The following FMNL2 variants were observed in gnomAD, a reference collection of about 807,000 sequenced individuals.
FMNL2 encodes formin like 2.
A neutral mutation model predicts 130.2 loss-of-function variants in FMNL2; 51 were observed. The ratio of observed to expected loss-of-function variants is 0.39; its 90% confidence interval spans 0.31 to 0.49. FMNL2 has a LOEUF of 0.49. FMNL2 is among the 20% of genes least tolerant of loss of function. FMNL2 has a pLI of 0.85. For synonymous variants in FMNL2, 465 were observed against 467.1 expected (o/e 1.00, Z 0.06); for missense variants, 977 against 1,316.2 (o/e 0.74, Z 3.99).
chr2:152,429,943 A>C (rs573734416), intron 1 of FMNL2, among the ~76,000 whole-genome samples: 3 of 152,308 alleles, frequency 2.0e-5, no homozygotes, highest in South Asian at 4.1e-4. Context: ...GGATTTTTAA[A>C]AGATGTGGCA....
intron 6 of FMNL2, among the ~76,000 whole-genome samples, chr2:152,565,199 C>G (rs1261166831): frequency 3.9e-5 from 6 of 152,266 alleles, no homozygotes; most frequent in African/African-American, 1.4e-4. Context: ...ATGCTATTAA[C>G]TCGAGTAAGA....
At chr2:152,376,094 A>G (rs1173414394) in intron 1 of FMNL2, among the ~76,000 whole-genome samples, 1 of 151,940 alleles carries the variant, frequency 6.6e-6, no homozygotes, top group East Asian at 1.9e-4. Context: ...GGGTTTCACC[A>G]TGTTGGCCAG....
chr2:152,638,514 G>A (rs552926629), intron 23 of FMNL2, among the ~76,000 whole-genome samples: 1 of 152,220 alleles, frequency 6.6e-6, no homozygotes, highest in Non-Finnish European at 1.5e-5. Context: ...ACTAGGGGCT[G>A]AAGGCTCTGG....
At chr2:152,460,550 C>T (rs916797446) in intron 1 of FMNL2, among the ~76,000 whole-genome samples, 2 of 152,212 alleles carry the variant, frequency 1.3e-5, no homozygotes, top group African/African-American at 4.8e-5. Flanking sequence ...CTGCCCTCTT[C>T]ATAGAGCAGG....
intron 9 of FMNL2, among the ~76,000 whole-genome samples, chr2:152,601,299 T>C (rs1698036910): frequency 1.2e-5 from 1 of 81,644 alleles, no homozygotes; most frequent in Non-Finnish European, 2.7e-5. Context: ...TTCTTTTCTT[T>C]TTTCTTTTTT....
At position 152,643,368 on chromosome 2, in the gene FMNL2, G is replaced by A. The variant is rs913265905; in HGVS notation, c.3169+2454G>A. On this transcript the variant is annotated intron_variant, in intron 25 of 25. Transcript: ENST00000288670. The stretch of plus-strand genomic sequence containing the variant: ...ACCATGTACTAATGCAATAGATCTT[G>A]GCTTTTTATTCTCTTCTGTTTGTGT... The A allele has an allele frequency of 1.0e-5, 16 of 1,533,340 alleles. No individual in the cohort carries two copies. In the African/African-American group the frequency reaches 1.9e-4, roughly 18 times the overall value. The allele number at this position is 1,533,340 out of a possible 1,614,324, so 95.0% of individuals were successfully genotyped here. A position where few individuals can be genotyped will look rare whatever the true frequency, so the allele number is the denominator to read the frequency against.
chr2:152,586,290 T>C (rs1415110141), intron 9 of FMNL2, among the ~76,000 whole-genome samples: 2 of 152,240 alleles, frequency 1.3e-5, no homozygotes, highest in Non-Finnish European at 2.9e-5. Context: ...CAGTAGTTGT[T>C]CTTTTTTCTG....
intron 2 of FMNL2, among the ~76,000 whole-genome samples, chr2:152,526,627 T>C (rs531745986): frequency 3.9e-4 from 60 of 152,218 alleles, no homozygotes; most frequent in Admixed American, 1.4e-3. Context: ...TTATCAAGTT[T>C]ACAATACTGT....
chr2:152,626,759 TTA>T (rs746759111), intron 17 of FMNL2, 32 bp downstream of exon 17: 41 of 1,551,118 alleles, frequency 2.6e-5, no homozygotes, highest in Non-Finnish European at 3.6e-5. Flanking sequence ...TCTAGTTAGT[TTA>T]TGATAAAATG....
At chr2:152,416,016 G>A (rs1686589925) in intron 1 of FMNL2, among the ~76,000 whole-genome samples, 1 of 152,178 alleles carries the variant, frequency 6.6e-6, no homozygotes, top group African/African-American at 2.4e-5. Flanking sequence ...TGGATGTTCA[G>A]TGTTGGCCTC....
intron 1 of FMNL2, among the ~76,000 whole-genome samples, chr2:152,415,511 T>A (rs1302758095): frequency 6.6e-6 from 1 of 152,248 alleles, no homozygotes; most frequent in Non-Finnish European, 1.5e-5. Flanking sequence ...TTGTGTCTTC[T>A]GTTTTCTCCT....
At chr2:152,365,322 G>T (rs12151851) in intron 1 of FMNL2, among the ~76,000 whole-genome samples, 77,944 of 151,934 alleles carry the variant, frequency 0.51, 24,046 homozygotes, top group Non-Finnish European at 0.72. Flanking sequence ...CGGTGGTATG[G>T]TGTGTTTTGA....
intron 1 of FMNL2, among the ~76,000 whole-genome samples, chr2:152,426,303 T>A (rs1262524057): frequency 6.6e-6 from 1 of 152,168 alleles, no homozygotes. Context: ...AGGGTACTTG[T>A]GTATTTAGAA....
At chr2:152,366,096 C>T (rs1683517581) in intron 1 of FMNL2, among the ~76,000 whole-genome samples, 1 of 152,048 alleles carries the variant, frequency 6.6e-6, no homozygotes, top group Non-Finnish European at 1.5e-5. Context: ...TCAGTAACCT[C>T]CATGTTTACT....
At chr2:152,354,433 G>A (rs1472486135) in intron 1 of FMNL2, among the ~76,000 whole-genome samples, 2 of 152,140 alleles carry the variant, frequency 1.3e-5, no homozygotes, top group East Asian at 3.9e-4. Context: ...AGAATACGGT[G>A]CCATCTGACT....
intron 4 of FMNL2, among the ~76,000 whole-genome samples, chr2:152,550,050 GTTC>G (rs1382331907): frequency 1.3e-5 from 2 of 152,132 alleles, no homozygotes; most frequent in Non-Finnish European, 2.9e-5. Context: ...CTCGTTGATA[GTTC>G]TTCTTGAAAA....
chr2:152,625,563 G>C lies in FMNL2; in HGVS notation c.1962+1G>C. On this transcript the variant is annotated splice_donor_variant, in intron 16 of 25. Transcript: ENST00000288670. LOFTEE classifies it high-confidence loss of function. ...AATTGATGATGAGCGAATTCTGGAG[G>C]TATTTTTCTCATTGGTTAGAAACTA... 1.2e-6 allele frequency: 2 copies of C among 1,601,308 alleles called. No homozygotes were observed. Among genetic ancestry groups the C allele is most frequent in the Non-Finnish European group, 1.7e-6 (2 of 1,169,552 alleles).
intron 11 of FMNL2, among the ~76,000 whole-genome samples, chr2:152,612,934 G>C (rs77073218): frequency 0.014 from 2,098 of 152,302 alleles, 51 homozygotes; most frequent in African/African-American, 0.048. Flanking sequence ...CAGGAATTCA[G>C]TTGCCCATCT....
intron 1 of FMNL2, among the ~76,000 whole-genome samples, chr2:152,446,898 G>C (rs1688371174): frequency 1.3e-5 from 2 of 152,120 alleles, no homozygotes; most frequent in Admixed American, 1.3e-4. Context: ...TTGGACAAAG[G>C]CAAAGATTTT....
Sources: allele counts gnomAD v4.1 joint callset (sites outside exome capture counted in the v4.1 genomes callset), GRCh38; gene constraint gnomAD v4.1.1; transcripts MANE v1.5; gene names NCBI Gene and HGNC (gene_info 2026-07-23, HGNC 2026-07-21).